Variants in SLC25A21 observed in about 807,000 individuals in gnomAD.
SLC25A21 encodes solute carrier family 25 member 21, also known as mitochondrial 2-oxodicarboxylate carrier.
In SLC25A21, 47 loss-of-function variants were observed where a neutral mutation model predicts 43.8. The observed-to-expected ratio is 1.07, with a 90% CI of 0.85 to 1.37. SLC25A21 has a LOEUF of 1.37. Ranked by LOEUF, SLC25A21 falls within the 40% of genes most tolerant of loss-of-function variation. The probability of loss-of-function intolerance (pLI) is 0.00; values close to 1 mark genes in which losing one functional copy is unlikely to be tolerated. For missense variants in SLC25A21, 352 were observed against 350.2 expected (o/e 1.00, Z -0.04); for synonymous variants, 131 against 121.3 (o/e 1.08, Z -0.52).
At chr14:36,985,166 G>A (rs552509886) in intron 1 of SLC25A21, among the ~76,000 whole-genome samples, 1 of 146,892 alleles carries the variant, frequency 6.8e-6, no homozygotes, top group African/African-American at 2.5e-5. Flanking sequence ...TCACACTCTG[G>A]GGACTGTTGT....
chr14:36,826,871 C>T (rs148184430), intron 2 of SLC25A21, among the ~76,000 whole-genome samples: 1 of 152,176 alleles, frequency 6.6e-6, no homozygotes, highest in South Asian at 2.1e-4. Context: ...GCCCCTCATG[C>T]GCCATCAATG....
At chr14:36,725,475 CAAAATAAA>C (rs959219703) in intron 6 of SLC25A21, 87 bp downstream of exon 6, 1 of 496,516 alleles carries the variant, frequency 2.0e-6, no homozygotes, top group African/African-American at 2.6e-5. Flanking sequence ...AACTCTGTCC[CAAAATAAA>C]TAAATAAATA....
intron 2 of SLC25A21, among the ~76,000 whole-genome samples, chr14:36,840,397 C>T (rs1889348546): frequency 6.6e-6 from 1 of 152,038 alleles, no homozygotes; most frequent in South Asian, 2.1e-4. Flanking sequence ...GTTTCTGCAG[C>T]AAAATAACTG....
At chr14:36,967,048 G>A (rs73256209) in intron 1 of SLC25A21, among the ~76,000 whole-genome samples, 3,178 of 152,032 alleles carry the variant, frequency 0.021, 107 homozygotes, top group African/African-American at 0.07. Flanking sequence ...TGTACCTGCC[G>A]CCACAACCAA....
chr14:36,944,627 C>T (rs1892639884), intron 1 of SLC25A21, among the ~76,000 whole-genome samples: 1 of 152,156 alleles, frequency 6.6e-6, no homozygotes, highest in African/African-American at 2.4e-5. Context: ...CTACGAATGT[C>T]CTATTCAATA....
intron 3 of SLC25A21, among the ~76,000 whole-genome samples, chr14:36,798,918 C>G (rs59443684): frequency 0.17 from 24,793 of 148,298 alleles, 2,484 homozygotes; most frequent in East Asian, 0.39. Flanking sequence ...GAGAGAGAGA[C>G]AGAGAGAGAG....
At chr14:37,131,500 C>T (rs1270538922) in intron 1 of SLC25A21, among the ~76,000 whole-genome samples, 2 of 152,058 alleles carry the variant, frequency 1.3e-5, no homozygotes, top group African/African-American at 4.8e-5. Flanking sequence ...TCTGCACTGG[C>T]CATTGTGGCA....
chr14:36,764,117 A>G (rs1594565896), intron 3 of SLC25A21, among the ~76,000 whole-genome samples: 1 of 52,156 alleles, frequency 1.9e-5, no homozygotes, highest in Non-Finnish European at 3.4e-5. Flanking sequence ...GGAAGGAAAG[A>G]AGGAAAGAAG....
At chr14:36,693,698 A>G (rs1882891062) in intron 7 of SLC25A21, among the ~76,000 whole-genome samples, 1 of 151,954 alleles carries the variant, frequency 6.6e-6, no homozygotes, top group African/African-American at 2.4e-5. Flanking sequence ...CAGTGGTGCA[A>G]TCTTAGCACA....
chr14:37,113,809 G>A (rs145063279), intron 1 of SLC25A21, among the ~76,000 whole-genome samples: 8,268 of 132,028 alleles, frequency 0.063, 798 homozygotes, highest in African/African-American at 0.22. Flanking sequence ...AGCCAAGATC[G>A]CAACACTGTA....
chr14:36,815,662 T>A (rs1888429767), intron 2 of SLC25A21, among the ~76,000 whole-genome samples: 1 of 152,308 alleles, frequency 6.6e-6, no homozygotes, highest in Admixed American at 6.5e-5. Flanking sequence ...CCTCCAAATG[T>A]GGAAGTTTCC....
In SLC25A21 at chr14:36,829,439, A is replaced by C. The variant is rs564404667; in HGVS notation, c.120-15438T>G. The stretch of plus-strand genomic sequence containing the variant: ...CTGTTCCCATCAAGGAGACTTCTCA[A>C]AGATAAAGAGTTTTCATCTTTGAAG... On this transcript the variant is annotated intron_variant, in intron 2 of 9. Coordinates refer to ENST00000331299, the MANE Select transcript of SLC25A21 (RefSeq NM_030631.4). Among the ~76,000 whole-genome samples, 4 of 152,206 alleles carry C rather than the reference A, an allele frequency of 2.6e-5. No homozygotes were observed. In the East Asian group the frequency reaches 7.8e-4, roughly 30 times the overall value.
At chr14:36,910,499 T>C (rs892381099) in intron 1 of SLC25A21, among the ~76,000 whole-genome samples, 1 of 152,094 alleles carries the variant, frequency 6.6e-6, no homozygotes. Flanking sequence ...TTTTGTAACA[T>C]TAGCTTGGAT....
chr14:36,848,225 G>A (rs574480153), intron 2 of SLC25A21, among the ~76,000 whole-genome samples: 1 of 152,298 alleles, frequency 6.6e-6, no homozygotes, highest in South Asian at 2.1e-4. Flanking sequence ...TTACACAACT[G>A]TGGAACCTAT....
chr14:37,111,741 A>G (rs146054496), intron 1 of SLC25A21, among the ~76,000 whole-genome samples: 134 of 152,328 alleles, frequency 8.8e-4, no homozygotes, highest in African/African-American at 3.1e-3. Flanking sequence ...CCTTAGAGAA[A>G]TAACTAATTA....
At chr14:36,998,832 A>G (rs1960427326) in intron 1 of SLC25A21, among the ~76,000 whole-genome samples, 2 of 152,158 alleles carry the variant, frequency 1.3e-5, no homozygotes, top group East Asian at 3.9e-4. Context: ...GGGGAAAGGC[A>G]AATTAAAACA....
chr14:37,039,100 G>C (rs1961390535), intron 1 of SLC25A21, among the ~76,000 whole-genome samples: 1 of 152,138 alleles, frequency 6.6e-6, no homozygotes, highest in Admixed American at 6.5e-5. Flanking sequence ...TATCAAGTAA[G>C]GAACAAGGAT....
chr14:37,056,509 C>T (rs1444416133), intron 1 of SLC25A21, among the ~76,000 whole-genome samples: 1 of 151,134 alleles, frequency 6.6e-6, no homozygotes, highest in Non-Finnish European at 1.5e-5. Context: ...AAAAAAATTA[C>T]CTAGTCTCAG....
intron 1 of SLC25A21, among the ~76,000 whole-genome samples, chr14:37,007,142 A>C (rs1203562581): frequency 6.6e-6 from 1 of 152,234 alleles, no homozygotes; most frequent in East Asian, 1.9e-4. Flanking sequence ...GGCAGTACAA[A>C]TGATCTGTTA....
Sources: allele counts gnomAD v4.1 joint callset (sites outside exome capture counted in the v4.1 genomes callset), GRCh38; gene constraint gnomAD v4.1.1; transcripts MANE v1.5; gene names NCBI Gene and HGNC (gene_info 2026-07-23, HGNC 2026-07-21).